The following MAPRE2 variants were observed in gnomAD, a reference collection of about 807,000 sequenced individuals.
The protein encoded by MAPRE2 is microtubule-associated protein RP/EB family member 2.
Under a neutral mutation model 43.2 loss-of-function variants are expected in MAPRE2, and 13 were observed. That is an observed-to-expected ratio of 0.30 (90% CI 0.20 to 0.48). MAPRE2 has a LOEUF of 0.48. Ranked by LOEUF, MAPRE2 falls within the 20% of genes least tolerant of loss-of-function variation. MAPRE2 has a pLI of 0.99. For synonymous variants in MAPRE2, 135 were observed against 148.8 expected (o/e 0.91, Z 0.68); for missense variants, 161 against 400.2 (o/e 0.40, Z 5.10).
chr18:35,055,579 G>GTA (rs1228081638), intron 1 of MAPRE2, among the ~76,000 whole-genome samples: 1 of 134,452 alleles, frequency 7.4e-6, no homozygotes, highest in African/African-American at 2.8e-5. Context: ...GTGTGTGTGT[G>GTA]TATACATATG....
chr18:35,082,382 T>C (rs943288249), intron 2 of MAPRE2: 5 of 152,282 alleles, frequency 3.3e-5, no homozygotes, highest in African/African-American at 1.2e-4. Context: ...GAAATCAGCA[T>C]TGGTTTGCCT....
intron 2 of MAPRE2, among the ~76,000 whole-genome samples, chr18:35,086,238 CTT>C (rs1201353715): frequency 6.6e-6 from 1 of 151,434 alleles, no homozygotes; most frequent in African/African-American, 2.4e-5. Flanking sequence ...TGCTGTGAGA[CTT>C]TTTTTGACAC....
chr18:35,131,928 C>G, intron 5 of MAPRE2, 104 bp from the exon 6 acceptor site: 3 of 1,105,812 alleles, frequency 2.7e-6, no homozygotes, highest in Non-Finnish European at 3.9e-6. Context: ...GTTATTTCTG[C>G]TTCTCTCTCT....
chr18:35,136,980 C>T lies in MAPRE2; in HGVS notation c.910-3315C>T, dbSNP rs1042844688. Among the ~76,000 whole-genome samples the T allele has an allele frequency of 2.5e-4, 38 of 152,332 alleles. No individual in the cohort carries two copies. In the Middle Eastern group the frequency reaches 0.01, roughly 41 times the overall value. ...ATTTGGTATAGGTTTTGCCTGGCCT[C>T]CTACTTAGACATGGGTTTAAGTTCT... On this transcript the variant is annotated intron_variant, in intron 6 of 6. Coordinates refer to ENST00000300249, the MANE Select transcript of MAPRE2 (RefSeq NM_014268.4).
intron 1 of MAPRE2, among the ~76,000 whole-genome samples, chr18:35,042,180 G>A (rs1445845423): frequency 6.6e-6 from 1 of 152,184 alleles, no homozygotes; most frequent in Non-Finnish European, 1.5e-5. Context: ...CTCGCTGATT[G>A]GTGCAGGGAT....
At chr18:34,977,820 G>T (rs1036350720) in intron 1 of MAPRE2, among the ~76,000 whole-genome samples, 2 of 152,202 alleles carry the variant, frequency 1.3e-5, no homozygotes, top group Non-Finnish European at 2.9e-5. Context: ...GAAATTCTTC[G>T]GTCTACCCTT....
At chr18:34,983,561 A>G (rs2150570156) in intron 1 of MAPRE2, among the ~76,000 whole-genome samples, 1 of 152,268 alleles carries the variant, frequency 6.6e-6, no homozygotes, top group South Asian at 2.1e-4. Flanking sequence ...GTCACTTCCA[A>G]CACTTAACAT....
intron 2 of MAPRE2, among the ~76,000 whole-genome samples, chr18:35,079,651 C>T (rs113080557): frequency 6.9e-4 from 105 of 152,234 alleles, no homozygotes; most frequent in African/African-American, 2.0e-3. Context: ...ATGAATTGAA[C>T]ATCATCCCCA....
intron 4 of MAPRE2, among the ~76,000 whole-genome samples, chr18:35,126,500 A>G (rs1204449867): frequency 6.6e-6 from 1 of 152,244 alleles, no homozygotes; most frequent in East Asian, 1.9e-4. Context: ...AAGCTAGGAA[A>G]TGTTTTAAAA....
upstream of MAPRE2, among the ~76,000 whole-genome samples, chr18:35,037,177 A>G (rs2097051010): frequency 7.4e-6 from 1 of 135,368 alleles, no homozygotes; most frequent in South Asian, 2.3e-4. Flanking sequence ...TTTTTTTTTT[A>G]CCAGCTCCTA....
chr18:35,004,930 A>G (rs940645954), intron 1 of MAPRE2, among the ~76,000 whole-genome samples: 2 of 152,076 alleles, frequency 1.3e-5, no homozygotes, highest in Non-Finnish European at 2.9e-5. Context: ...AAAAAAAAAA[A>G]AAAGAAAAGA....
intron 6 of MAPRE2, 46 bp from the exon 7 acceptor site, chr18:35,140,249 C>G (rs769499956): frequency 6.5e-7 from 1 of 1,543,580 alleles, no homozygotes; most frequent in East Asian, 2.3e-5. Flanking sequence ...TGCAGGGCCC[C>G]ATTCCCAGTC....
At chr18:35,104,803 C>A (rs193061245) in intron 4 of MAPRE2, among the ~76,000 whole-genome samples, 1 of 152,016 alleles carries the variant, frequency 6.6e-6, no homozygotes, top group Non-Finnish European at 1.5e-5. Flanking sequence ...TCTCCAAAGT[C>A]TGGGATTCAG....
intron 4 of MAPRE2, among the ~76,000 whole-genome samples, chr18:35,115,004 C>G (rs1488113575): frequency 2.0e-5 from 3 of 152,118 alleles, no homozygotes; most frequent in Non-Finnish European, 2.9e-5. Flanking sequence ...ACCTATTTTT[C>G]TTTATTATTG....
At chr18:35,043,757 ATTGCAT>A (rs1392698463) in intron 1 of MAPRE2, among the ~76,000 whole-genome samples, 1 of 152,204 alleles carries the variant, frequency 6.6e-6, no homozygotes, top group Non-Finnish European at 1.5e-5. Flanking sequence ...AGCCTCTCAA[ATTGCAT>A]TTGTCTTGTG....
chr18:35,052,234 T>A (rs572499455), intron 1 of MAPRE2, among the ~76,000 whole-genome samples: 1 of 152,280 alleles, frequency 6.6e-6, no homozygotes, highest in Non-Finnish European at 1.5e-5. Flanking sequence ...GCAGTCCAAA[T>A]CTTCTCTGCC....
chr18:34,980,437 T>G (rs941023882), intron 1 of MAPRE2, among the ~76,000 whole-genome samples: 2 of 152,158 alleles, frequency 1.3e-5, no homozygotes, highest in African/African-American at 4.8e-5. Flanking sequence ...GCCTGCTTGG[T>G]ATTCTATTTT....
In MAPRE2 at chr18:35,041,502, G is replaced by T. The variant is rs1905364821; in HGVS notation, c.-38G>T. On this transcript the variant is annotated 5_prime_UTR_variant, in exon 1 of 7. Coordinates refer to ENST00000300249, the MANE Select transcript of MAPRE2 (RefSeq NM_014268.4). ...ACGCAGCCACCTTCCTCACCAGCCA[G>T]CCCACAGCGGTTTGTTCCCCTTCTC... is the stretch of plus-strand genomic sequence containing the variant. 2 of 1,613,840 alleles carry T rather than the reference G, an allele frequency of 1.2e-6. No homozygotes were observed. The highest frequency in any genetic ancestry group is 2.7e-5 in the African/African-American group (2 of 74,938).
intron 4 of MAPRE2, among the ~76,000 whole-genome samples, chr18:35,117,085 G>T (rs1262124200): frequency 6.6e-6 from 1 of 152,238 alleles, no homozygotes; most frequent in Non-Finnish European, 1.5e-5. Flanking sequence ...TAGCCATGCG[G>T]GTGATGGAGA....
Sources: gnomAD v4.1 joint callset for allele counts (sites outside exome capture counted in the v4.1 genomes callset) on GRCh38, gnomAD v4.1.1 for gene constraint, MANE v1.5 for transcripts, NCBI Gene and HGNC (gene_info 2026-07-23, HGNC 2026-07-21) for gene names.